Variants in ASB4 observed in about 807,000 individuals in gnomAD.
ASB4 encodes the protein ankyrin repeat and SOCS box protein 4.
ASB4 carries 35 observed loss-of-function variants against 38.6 expected under a neutral mutation model. The ratio of observed to expected loss-of-function variants is 0.91; its 90% CI spans 0.69 to 1.20. The LOEUF (loss-of-function observed/expected upper bound fraction) is 1.20. Among genes scored for constraint, ASB4 ranks in the 50% most tolerant of loss-of-function variants. The probability of loss-of-function intolerance (pLI) is 0.00; values close to 1 mark genes in which losing one functional copy is unlikely to be tolerated. For synonymous variants in ASB4, 195 were observed against 201.3 expected, an observed-to-expected ratio of 0.97 and a Z score of 0.26; for missense variants, 557 against 527.2, an observed-to-expected ratio of 1.06 and a Z score of -0.55.
At chr7:95,523,825 A>G (rs1790696771) in intron 2 of ASB4, among the ~76,000 whole-genome samples, 1 of 152,230 alleles carries the variant, frequency 6.6e-6, no homozygotes, top group Non-Finnish European at 1.5e-5. Flanking sequence ...GTTTAAAATG[A>G]CTATATAATT....
chr7:95,517,222 G>A (rs1585811638), intron 2 of ASB4, among the ~76,000 whole-genome samples: 1 of 152,136 alleles, frequency 6.6e-6, no homozygotes, highest in South Asian at 2.1e-4. Flanking sequence ...AGGCTGAGGT[G>A]CAGTGGAGCC....
the ASB4 span, among the ~76,000 whole-genome samples, chr7:95,548,087 A>G: frequency 1.3e-5 from 2 of 152,216 alleles, no homozygotes; most frequent in Admixed American, 6.5e-5. Flanking sequence ...CCCTTGGGCA[A>G]ATATCTAGAA....
At chr7:95,531,609 T>A (rs1230459296) in intron 3 of ASB4, among the ~76,000 whole-genome samples, 1 of 152,218 alleles carries the variant, frequency 6.6e-6, no homozygotes, top group Non-Finnish European at 1.5e-5. Flanking sequence ...AAACATGTGT[T>A]GAGCAGGAGA....
rs145428530 is a variant in ASB4, at chr7:95,478,852, C to T, written n.157+252C>T. Among the ~76,000 whole-genome samples the T allele has an allele frequency of 2.4e-4, 37 of 152,302 alleles. No homozygotes were observed. In the South Asian group the frequency reaches 7.2e-3, roughly 30 times the overall value. The stretch of plus-strand genomic sequence containing the variant: ...ACAGATTTTATGTTAAACACACATG[C>T]TCCCAGTATGTAATTACAATTGAGA... On this transcript the variant is annotated intron_variant and non_coding_transcript_variant, in intron 1 of 1. Coordinates refer to the ASB4 transcript ENST00000257621.
At chr7:95,515,316 T>TCTTTCTTTCTTTCTTCCTTC (rs1420581416) in intron 2 of ASB4, among the ~76,000 whole-genome samples, 24 of 95,816 alleles carry the variant, frequency 2.5e-4, no homozygotes, top group South Asian at 4.1e-4. Context: ...TTTCTTTCTT[T>TCTTTCTTTCTTTCTTCCTTC]CTTCCTTCCT....
upstream of ASB4, among the ~76,000 whole-genome samples, chr7:95,483,806 T>C (rs1471778843): frequency 6.6e-6 from 1 of 152,052 alleles, no homozygotes; most frequent in African/African-American, 2.4e-5. Context: ...TGGGTATTTG[T>C]GGAAAGAATC....
chr7:95,494,346 G>C (rs547237676), intron 1 of ASB4, among the ~76,000 whole-genome samples: 1 of 152,070 alleles, frequency 6.6e-6, no homozygotes, highest in Non-Finnish European at 1.5e-5. Context: ...TCTTGTTCTG[G>C]ACACTACACT....
intron 2 of ASB4, among the ~76,000 whole-genome samples, chr7:95,520,387 T>A (rs563111966): frequency 6.6e-6 from 1 of 152,312 alleles, no homozygotes; most frequent in East Asian, 1.9e-4. Context: ...TTGGAAAGTA[T>A]ACAAACAAGC....
At chr7:95,508,954 A>G (rs907335015) in intron 2 of ASB4, among the ~76,000 whole-genome samples, 9 of 152,178 alleles carry the variant, frequency 5.9e-5, no homozygotes, top group African/African-American at 1.4e-4. Flanking sequence ...AGACAGATAA[A>G]TTTCAGATAA....
chr7:95,517,996 T>C (rs1790608294), intron 2 of ASB4, among the ~76,000 whole-genome samples: 1 of 152,080 alleles, frequency 6.6e-6, no homozygotes, highest in African/African-American at 2.4e-5. Context: ...TACTGCTGGG[T>C]GTATGATCAA....
chr7:95,526,874 G>A (rs940820782), intron 2 of ASB4, among the ~76,000 whole-genome samples: 5 of 152,140 alleles, frequency 3.3e-5, no homozygotes, highest in Admixed American at 1.3e-4. Flanking sequence ...ATTAAATTAG[G>A]CAGAGAAGGA....
chr7:95,517,417 C>T (rs1412902267), intron 2 of ASB4, among the ~76,000 whole-genome samples: 1 of 151,954 alleles, frequency 6.6e-6, no homozygotes, highest in South Asian at 2.1e-4. Flanking sequence ...TGTCTGTTCA[C>T]AGATAAAGAG....
At chr7:95,524,973 T>C (rs757120300) in intron 2 of ASB4, among the ~76,000 whole-genome samples, 36 of 152,206 alleles carry the variant, frequency 2.4e-4, no homozygotes, top group Non-Finnish European at 1.2e-4. Flanking sequence ...TTTTCCTTTT[T>C]GCCAAATAAA....
chr7:95,487,682 C>A (rs1384942584), intron 1 of ASB4, among the ~76,000 whole-genome samples: 1 of 152,152 alleles, frequency 6.6e-6, no homozygotes, highest in East Asian at 1.9e-4. Context: ...ATTTTAAATT[C>A]TTCTTGTCAA....
chr7:95,537,472 C>T (rs756094625), intron 4 of ASB4, 99 bp from the exon 5 acceptor site: 6 of 1,034,894 alleles, frequency 5.8e-6, no homozygotes, highest in Non-Finnish European at 6.9e-6. Flanking sequence ...CCCTAGGAAG[C>T]TGCCATTACG....
chr7:95,517,894 C>T (rs984092099), intron 2 of ASB4, among the ~76,000 whole-genome samples: 5 of 151,920 alleles, frequency 3.3e-5, no homozygotes, highest in Non-Finnish European at 7.4e-5. Flanking sequence ...GTTGCAAAAG[C>T]TTAAGTATGC....
chr7:95,516,010 C>T (rs1184986412), intron 2 of ASB4, among the ~76,000 whole-genome samples: 2 of 152,300 alleles, frequency 1.3e-5, no homozygotes, highest in Admixed American at 6.5e-5. Context: ...GGCCATTCAC[C>T]TCTACCCCTA....
chr7:95,550,812 G>C, the ASB4 span, among the ~76,000 whole-genome samples: 3 of 152,262 alleles, frequency 2.0e-5, no homozygotes, highest in South Asian at 6.2e-4. Context: ...TTGAAATTCA[G>C]CCAGTGCAGG....
intron 2 of ASB4, among the ~76,000 whole-genome samples, chr7:95,521,722 T>C (rs768516202): frequency 6.6e-5 from 10 of 151,718 alleles, no homozygotes; most frequent in Non-Finnish European, 1.2e-4. Context: ...CAAAGACATG[T>C]TGTGATGGAT....
Sources: gnomAD v4.1 joint callset for allele counts (sites outside exome capture counted in the v4.1 genomes callset) on GRCh38, gnomAD v4.1.1 for gene constraint, MANE v1.5 for transcripts, NCBI Gene and HGNC (gene_info 2026-07-23, HGNC 2026-07-21) for gene names.